APPL2: variants seen among roughly 807,000 people sequenced by gnomAD.
The protein encoded by APPL2 is DCC-interacting protein 13-beta.
In APPL2, 84 loss-of-function variants were observed where a neutral mutation model predicts 92.7. The ratio of observed to expected loss-of-function variants is 0.91; its 90% confidence interval spans 0.76 to 1.09. APPL2 has a LOEUF of 1.09. APPL2 is among the 50% of genes least tolerant of loss of function. APPL2 has a pLI of 0.00. For synonymous variants in APPL2, 291 were observed against 291.0 expected, an observed-to-expected ratio of 1.00 and a Z score of 0.00; for missense variants, 736 against 824.5, an observed-to-expected ratio of 0.89 and a Z score of 1.31.
At chr12:105,217,249 A>T (rs190525382) in intron 3 of APPL2, 109 bp from the exon 4 acceptor site, 1 of 678,476 alleles carries the variant, frequency 1.5e-6, no homozygotes, top group East Asian at 2.7e-5. Flanking sequence ...TTCTTCTCCA[A>T]GAGCACGTCC....
intron 19 of APPL2, among the ~76,000 whole-genome samples, chr12:105,176,564 G>C (rs1380761687): frequency 6.6e-6 from 1 of 152,052 alleles, no homozygotes; most frequent in Non-Finnish European, 1.5e-5. Flanking sequence ...TGTAGCTTTT[G>C]CCTTAATTTT....
In APPL2 at chr12:105,190,105, G is replaced by A. The variant is rs772803222; in HGVS notation, c.1292C>T (p.Pro431Leu). ...EMENENDKIV[P>L]KATASLPEAE... ...TTCAGGTAGACTGGCTGTTGCTTTG[G>A]GAACAATCTTGTCATTTTCATTTTC... The change falls in exon 15 of 21, where the codon CCC becomes CTC. Residue 431 changes from proline to leucine, a missense_variant. Coordinates refer to ENST00000258530, the MANE Select transcript of APPL2 (RefSeq NM_018171.5). The A allele has an allele frequency of 6.2e-7, 1 of 1,614,060 alleles. No individual in the cohort carries two copies. The highest frequency in any genetic ancestry group is 1.7e-5 in the Admixed American group (1 of 59,986).
intron 11 of APPL2, among the ~76,000 whole-genome samples, chr12:105,196,684 A>C (rs1396510957): frequency 6.6e-6 from 1 of 151,884 alleles, no homozygotes; most frequent in African/African-American, 2.4e-5. Flanking sequence ...CAGGGGATCC[A>C]CCTGCCTCGG....
Position 105,212,118 on chromosome 12 carries a change from CAAAAAAAA to C in APPL2, c.286-809_286-802del, listed in dbSNP as rs5800657. On this transcript the variant is annotated intron_variant, in intron 4 of 20. Transcript: ENST00000258530. ...TGGGTGACAGAGCGAGACTCCATCT[CAAAAAAAA>C]AAAAAAAAAAAAAGAATACTTCCTA... Among the ~76,000 whole-genome samples the C allele has an allele frequency of 3.1e-3, 222 of 72,414 alleles. 1 individual carries two copies. The highest frequency in any genetic ancestry group is 0.012 in the African/African-American group (205 of 17,814). 47.5% of individuals were successfully genotyped at this position (72,414 alleles called of 152,430 possible). A position where few individuals can be genotyped will look rare whatever the true frequency, so the allele number is the denominator to read the frequency against.
Position 105,195,611 on chromosome 12 carries a change from C to G in APPL2, c.1069G>C (p.Ala357Pro). ...PNGKSGIILQ[A>P]ESRKENEEWI... ...TCTTCATTTTCCTTTCTGCTCTCAG[C>G]CTGGAGGATTATTCCCCTGAAACAA... The change falls in exon 12 of 21, where the codon GCT (alanine) becomes CCT (proline). Residue 357 changes from alanine to proline, a missense_variant. Coordinates refer to ENST00000258530, the MANE Select transcript of APPL2 (RefSeq NM_018171.5). The G allele has an allele frequency of 6.2e-7, 1 of 1,614,214 alleles. No homozygotes were observed. Among genetic ancestry groups the G allele is most frequent in the Non-Finnish European group, 8.5e-7 (1 of 1,180,040 alleles).
rs181908396 is a variant in APPL2 at position 105,195,323 on chromosome 12, G to A, written c.1179C>T (p.Thr393=). ...PEAVAIKLNQ[T]ALQAVTPITS... ...TAATGGGAGTCACTGCTTGCAGAGC[G>A]GTCTGATTCAACTTGATCGCGACTG... The change falls in exon 14 of 21, where the codon ACC becomes ACT. Residue 393 remains threonine (T), a synonymous_variant. Transcript: ENST00000258530. 5.6e-5 allele frequency: 90 copies of A among 1,614,104 alleles called. No individual in the cohort carries two copies. The East Asian group carries it at 1.5e-3, about 27-fold the overall frequency.
intron 17 of APPL2, among the ~76,000 whole-genome samples, chr12:105,181,649 G>A (rs760961886): frequency 1.3e-5 from 2 of 152,026 alleles, no homozygotes; most frequent in Non-Finnish European, 1.5e-5. Flanking sequence ...ACTTGTTATC[G>A]GTCTATTCAG....
chr12:105,235,798 G>A (rs1271855099), intron 1 of APPL2, among the ~76,000 whole-genome samples, 161 bp downstream of exon 1: 3 of 151,840 alleles, frequency 2.0e-5, no homozygotes, highest in Non-Finnish European at 2.9e-5. Flanking sequence ...GGCCCGGCCC[G>A]CCCCCTCCTC....
chr12:105,207,316 A>C, intron 7 of APPL2, 109 bp from the exon 8 acceptor site: 1 of 1,100,352 alleles, frequency 9.1e-7, no homozygotes, highest in Non-Finnish European at 1.3e-6. Context: ...TTTTTGTGAC[A>C]AATATAACAA....
chr12:105,179,785 T>A (rs1393498735), intron 17 of APPL2, among the ~76,000 whole-genome samples: 6 of 152,218 alleles, frequency 3.9e-5, no homozygotes, highest in Non-Finnish European at 5.9e-5. Flanking sequence ...TTTTGAAAAA[T>A]GTCTGTTCAT....
At chr12:105,180,681 C>G (rs1024322353) in intron 17 of APPL2, among the ~76,000 whole-genome samples, 2 of 152,194 alleles carry the variant, frequency 1.3e-5, no homozygotes, top group African/African-American at 2.4e-5. Flanking sequence ...AGGTCCTTCA[C>G]ATCCCTTGTA....
intron 20 of APPL2, 46 bp downstream of exon 20, chr12:105,175,989 G>T: frequency 6.7e-7 from 1 of 1,493,714 alleles, no homozygotes; most frequent in Non-Finnish European, 9.0e-7. Context: ...TGTGTACACA[G>T]ATGTGTTTTG....
In APPL2 at chr12:105,195,296, T is replaced by C. The variant is rs748589283; in HGVS notation, c.1206A>G (p.Thr402=). The C allele has an allele frequency of 6.2e-7, 1 of 1,614,168 alleles. No homozygotes were observed. The highest frequency in any genetic ancestry group is 2.2e-5 in the East Asian group (1 of 44,888). ...AGCTTTCTTGTTTTTTTCCAAAACTTGTAATGGGAGTCACTGCTTGCAGAG... is the reference window on the plus strand; with the variant it reads ...AGCTTTCTTGTTTTTTTCCAAAACTCGTAATGGGAGTCACTGCTTGCAGAG... ...QTALQAVTPI[T]SFGKKQESSC... The change falls in exon 14 of 21, where the codon ACA becomes ACG. Residue 402 remains threonine, a synonymous_variant. Coordinates refer to ENST00000258530, the MANE Select transcript of APPL2 (RefSeq NM_018171.5).
At chr12:105,215,984 G>A (rs1004443575) in intron 4 of APPL2, among the ~76,000 whole-genome samples, 28 of 152,074 alleles carry the variant, frequency 1.8e-4, no homozygotes, top group African/African-American at 6.0e-4. Context: ...CCGAGATTGC[G>A]CCACTGCACT....
intron 8 of APPL2, 70 bp downstream of exon 8, chr12:105,206,991 T>G: frequency 6.5e-7 from 1 of 1,547,428 alleles, no homozygotes; most frequent in South Asian, 1.2e-5. Context: ...CTTCAGTGTC[T>G]CCTGCGTGCC....
intron 5 of APPL2, among the ~76,000 whole-genome samples, chr12:105,210,193 C>G (rs1266413151): frequency 1.3e-5 from 2 of 152,154 alleles, no homozygotes; most frequent in African/African-American, 2.4e-5. Flanking sequence ...ATCTCCTGAC[C>G]TAGTGATCCG....
chr12:105,208,083 A>G, intron 6 of APPL2, 54 bp from the exon 7 acceptor site: 2 of 1,613,574 alleles, frequency 1.2e-6, no homozygotes, highest in African/African-American at 1.3e-5. Flanking sequence ...GAAAGGGAAG[A>G]ACATTCATTG....
intron 1 of APPL2, among the ~76,000 whole-genome samples, chr12:105,234,140 CAAAT>C (rs1476577572): frequency 6.6e-5 from 10 of 152,302 alleles, no homozygotes; most frequent in African/African-American, 2.4e-4. Context: ...AAAGCAATGA[CAAAT>C]AAACTTCCTA....
At position 105,195,601 on chromosome 12, in the gene APPL2, C is replaced by G. The variant is rs754380559; in HGVS notation, c.1079G>C (p.Arg360Thr). 7.4e-6 allele frequency: 12 copies of G among 1,614,244 alleles called. No homozygotes were observed. Among genetic ancestry groups the G allele is most frequent in the Non-Finnish European group, 1.0e-5 (12 of 1,180,040 alleles). ...KSGIILQAES[R>T]KENEEWICAI... ...AATTTTTACCTCTTCATTTTCCTTT[C>G]TGCTCTCAGCCTGGAGGATTATTCC... is the stretch of plus-strand genomic sequence containing the variant. The change falls in exon 12 of 21, where the codon AGA becomes ACA. Residue 360 changes from arginine (R) to threonine (T), a missense_variant. Transcript: ENST00000258530.
Sources: gnomAD v4.1 joint callset for allele counts (sites outside exome capture counted in the v4.1 genomes callset) on GRCh38, gnomAD v4.1.1 for gene constraint, MANE v1.5 for transcripts, NCBI Gene and HGNC (gene_info 2026-07-23, HGNC 2026-07-21) for gene names.